Variants in PTPRN2 observed in about 807,000 individuals in gnomAD.
The protein encoded by PTPRN2 is receptor-type tyrosine-protein phosphatase N2.
In PTPRN2, 74 loss-of-function variants were observed where a neutral mutation model predicts 118.8. The ratio of observed to expected loss-of-function variants is 0.62; its 90% CI spans 0.52 to 0.76. PTPRN2 has a LOEUF of 0.76. Ranked by LOEUF, PTPRN2 falls within the 30% of genes least tolerant of loss-of-function variation. PTPRN2 has a pLI of 0.00. For synonymous variants in PTPRN2, 641 were observed against 608.0 expected (o/e 1.05, Z -0.80); for missense variants, 1,481 against 1,394.4 (o/e 1.06, Z -0.99).
chr7:158,199,911 T>G (rs1433024759), intron 4 of PTPRN2, among the ~76,000 whole-genome samples: 1 of 152,038 alleles, frequency 6.6e-6, no homozygotes, highest in Non-Finnish European at 1.5e-5. Flanking sequence ...CAGAACATGA[T>G]CCCTTTAATG....
At chr7:157,882,230 CA>C (rs1314775413) in intron 12 of PTPRN2, among the ~76,000 whole-genome samples, 11 of 148,094 alleles carry the variant, frequency 7.4e-5, no homozygotes, top group Non-Finnish European at 1.5e-5. Context: ...TACACCACCC[CA>C]AAATGACTGT....
intron 2 of PTPRN2, among the ~76,000 whole-genome samples, chr7:158,364,958 G>A (rs529808585): frequency 1.3e-3 from 174 of 138,308 alleles, no homozygotes; most frequent in African/African-American, 4.4e-3. Flanking sequence ...GCACATATGC[G>A]TGTGCACCCA....
intron 3 of PTPRN2, among the ~76,000 whole-genome samples, chr7:158,281,875 A>G (rs1257377194): frequency 2.0e-5 from 3 of 152,336 alleles, no homozygotes; most frequent in East Asian, 3.9e-4. Flanking sequence ...AGCTACTCTG[A>G]GCCCCGCATA....
intron 3 of PTPRN2, among the ~76,000 whole-genome samples, chr7:158,296,950 C>T (rs1800546540): frequency 6.6e-6 from 1 of 152,172 alleles, no homozygotes; most frequent in Admixed American, 6.5e-5. Context: ...GGAGGTGGAG[C>T]TTGGGTGGTG....
rs151169304 is a variant in PTPRN2 at position 157,928,560 on chromosome 7, C to T, written c.1724-29823G>A. 4.7e-3 allele frequency among the ~76,000 whole-genome samples: 708 copies of T among 152,018 alleles called. 8 individuals are homozygous for T. The highest frequency in any genetic ancestry group is 0.016 in the African/African-American group (667 of 41,412). ...TGAACACATTTGGTAAAAGAGATTG[C>T]GAAGCCACCCAGGACACTCCCCGTG... On this transcript the variant is annotated intron_variant, in intron 11 of 22. Transcript: ENST00000389418.
chr7:158,120,855 C>T (rs1023166325), intron 9 of PTPRN2, among the ~76,000 whole-genome samples: 6 of 152,108 alleles, frequency 3.9e-5, no homozygotes, highest in African/African-American at 9.7e-5. Flanking sequence ...GGGAGCCAGG[C>T]GGGGCTACAA....
At chr7:157,982,435 G>C (rs1445130447) in intron 11 of PTPRN2, among the ~76,000 whole-genome samples, 1 of 142,502 alleles carries the variant, frequency 7.0e-6, no homozygotes, top group Non-Finnish European at 1.5e-5. Context: ...GACGAGGAGG[G>C]GAATGCAGAG....
chr7:158,412,353 G>A (rs1217378582), intron 2 of PTPRN2, among the ~76,000 whole-genome samples: 1 of 101,116 alleles, frequency 9.9e-6, no homozygotes. Context: ...ACCCTCCTTA[G>A]CACCAGGGCC....
chr7:157,709,243 A>G (rs1798479969), intron 12 of PTPRN2, among the ~76,000 whole-genome samples: 1 of 152,250 alleles, frequency 6.6e-6, no homozygotes, highest in Admixed American at 6.5e-5. Context: ...TACGTGCCAC[A>G]GATCAATACG....
intron 12 of PTPRN2, among the ~76,000 whole-genome samples, chr7:157,836,741 T>C (rs1563156470): frequency 6.6e-6 from 1 of 152,156 alleles, no homozygotes; most frequent in Non-Finnish European, 1.5e-5. Context: ...ACAGATAATA[T>C]AGAAGAGGTT....
At chr7:157,838,965 G>A (rs376465613) in intron 12 of PTPRN2, among the ~76,000 whole-genome samples, 312 of 128,870 alleles carry the variant, frequency 2.4e-3, no homozygotes, top group African/African-American at 9.5e-3. Flanking sequence ...AGTTCCTCTC[G>A]TAGTGGATGG....
In PTPRN2 at chr7:157,801,090, C is replaced by T. The variant is rs1342778218; in HGVS notation, c.1788+97583G>A. Among the ~76,000 whole-genome samples, 12 of 150,086 alleles carry T rather than the reference C, an allele frequency of 8.0e-5. No homozygotes were observed. The highest frequency in any genetic ancestry group is 2.0e-4 in the African/African-American group (8 of 40,132). On this transcript the variant is annotated intron_variant, in intron 12 of 22. Transcript: ENST00000389418. The surrounding 1 kb of genome is among the most constrained non-coding windows in gnomAD (Gnocchi z 4.2). The stretch of plus-strand genomic sequence containing the variant: ...ACACATATATATACACACACACACA[C>T]ATATATATATGCACATATATATGAA...
intron 17 of PTPRN2, among the ~76,000 whole-genome samples, chr7:157,593,744 A>C (rs1563243155): frequency 1.3e-5 from 2 of 151,664 alleles, no homozygotes. Context: ...CTACCACGAA[A>C]CTCCTGAGAC....
At chr7:158,234,271 CAA>C (rs146167117) in intron 3 of PTPRN2, among the ~76,000 whole-genome samples, 1 of 134,548 alleles carries the variant, frequency 7.4e-6, no homozygotes. Flanking sequence ...CACTCAACAG[CAA>C]AAAAAAAACA....
intron 3 of PTPRN2, among the ~76,000 whole-genome samples, chr7:158,315,805 T>C (rs1055065149): frequency 3.3e-5 from 5 of 152,180 alleles, no homozygotes; most frequent in African/African-American, 7.2e-5. Flanking sequence ...TACTAAGATA[T>C]GAATGTCCCG....
Position 157,656,407 on chromosome 7 carries a change from C to G in PTPRN2, c.2146G>C (p.Glu716Gln), listed in dbSNP as rs577236042. Residue 716 changes from glutamate to glutamine, a missense_variant, in exon 14 of 23, where the codon GAG (glutamate) becomes CAG (glutamine). Transcript: ENST00000389418. ...TCCATGTTGGACTGCACAGGCTCCT[C>G]GGACCAGGATGAGGCGCTGCTGCGT... ...SARSSASSWS[E>Q]EPVQSNMDIS... The G allele has an allele frequency of 2.6e-6, 4 of 1,552,974 alleles. No individual in the cohort carries two copies. The highest frequency in any genetic ancestry group is 3.5e-6 in the Non-Finnish European group (4 of 1,148,008).
intron 6 of PTPRN2, among the ~76,000 whole-genome samples, chr7:158,155,867 G>A (rs1821776791): frequency 6.6e-6 from 1 of 151,298 alleles, no homozygotes; most frequent in Admixed American, 6.6e-5. Flanking sequence ...TTGGTTTAGA[G>A]GACATACAGC....
At chr7:158,161,428 G>C (rs924756226) in intron 6 of PTPRN2, among the ~76,000 whole-genome samples, 6 of 152,202 alleles carry the variant, frequency 3.9e-5, no homozygotes, top group African/African-American at 1.4e-4. Flanking sequence ...CCAGACATGG[G>C]TCCACATACA....
chr7:157,962,024 A>G (rs1475790228), intron 11 of PTPRN2, among the ~76,000 whole-genome samples: 1 of 152,164 alleles, frequency 6.6e-6, no homozygotes, highest in Non-Finnish European at 1.5e-5. Context: ...CCTGCTGAAG[A>G]GGCCTCAGTG....
Sources: allele counts gnomAD v4.1 joint callset (sites outside exome capture counted in the v4.1 genomes callset), GRCh38; gene constraint gnomAD v4.1.1; non-coding constraint Gnocchi (gnomAD v3.1); transcripts MANE v1.5; gene names NCBI Gene and HGNC (gene_info 2026-07-23, HGNC 2026-07-21).